SAMD5: variants seen among roughly 807,000 people sequenced by gnomAD.
SAMD5 encodes the protein sterile alpha motif domain containing 5, also known as sterile alpha motif domain-containing protein 5.
A neutral mutation model predicts 11.3 loss-of-function variants in SAMD5; 13 were observed. The ratio of observed to expected loss-of-function variants is 1.15; its 90% CI spans 0.75 to 1.83. The LOEUF (loss-of-function observed/expected upper bound fraction) is 1.83, where lower values mean the gene tolerates loss of function less well. Ranked by LOEUF, SAMD5 falls within the 40% of genes most tolerant of loss-of-function variation. The pLI is 0.00. For synonymous variants in SAMD5, 129 were observed against 111.3 expected (o/e 1.16, Z -1.00); for missense variants, 255 against 239.1 (o/e 1.07, Z -0.44).
the SAMD5 span, among the ~76,000 whole-genome samples, chr6:147,813,599 A>G: frequency 6.6e-6 from 1 of 152,228 alleles, no homozygotes; most frequent in Non-Finnish European, 1.5e-5. Context: ...TACAGCTGGA[A>G]TATAATACAG....
chr6:147,876,929 C>A, the SAMD5 span, among the ~76,000 whole-genome samples: 1 of 145,304 alleles, frequency 6.9e-6, no homozygotes, highest in African/African-American at 2.8e-5. Flanking sequence ...AGGCATCAAT[C>A]ATTGTTTAAA....
chr6:147,750,466 G>A, the SAMD5 span, among the ~76,000 whole-genome samples: 1 of 150,672 alleles, frequency 6.6e-6, no homozygotes, highest in South Asian at 2.1e-4. Context: ...TTTTGTTCCA[G>A]TGCCACATGT....
At chr6:147,661,670 C>T (rs12664498) in intron 1 of SAMD5, among the ~76,000 whole-genome samples, 13,499 of 152,186 alleles carry the variant, frequency 0.089, 881 homozygotes, top group East Asian at 0.25. Flanking sequence ...CTCACTGTTG[C>T]CTGGGCTGGA....
In SAMD5 at chr6:147,616,564, G is replaced by T. The variant is rs370659497; in HGVS notation, c.162+107177G>T. On this transcript the variant is annotated intron_variant, in intron 1 of 1. Transcript: ENST00000566741. Reference sequence around the variant, plus strand: ...ATTAATTAGTAAACAGAGAGGGAGTGATGTTTGGTTCAGATAACATTTGTT... The same window carrying T: ...ATTAATTAGTAAACAGAGAGGGAGTTATGTTTGGTTCAGATAACATTTGTT... 7.1e-4 allele frequency among the ~76,000 whole-genome samples: 108 copies of T among 152,222 alleles called. 1 individual carries two copies. In the East Asian group the frequency reaches 0.014, roughly 20 times the overall value.
chr6:147,868,671 G>A, the SAMD5 span, among the ~76,000 whole-genome samples: 2 of 152,194 alleles, frequency 1.3e-5, no homozygotes, highest in African/African-American at 4.8e-5. Flanking sequence ...AGGCTCTCAA[G>A]TCTGTGACAG....
At chr6:147,884,176 A>G in the SAMD5 span, among the ~76,000 whole-genome samples, 11 of 152,322 alleles carry the variant, frequency 7.2e-5, no homozygotes, top group Admixed American at 1.3e-4. Flanking sequence ...CTGGAAGAGT[A>G]CAGACGTCTT....
chr6:147,635,384 G>T (rs1404687752), intron 1 of SAMD5, among the ~76,000 whole-genome samples: 1 of 152,116 alleles, frequency 6.6e-6, no homozygotes, highest in Non-Finnish European at 1.5e-5. Flanking sequence ...TATGAGGCAG[G>T]ACCTATTAAT....
At chr6:147,564,079 T>C (rs1269606661) in intron 1 of SAMD5, among the ~76,000 whole-genome samples, 1 of 150,840 alleles carries the variant, frequency 6.6e-6, no homozygotes, top group African/African-American at 2.4e-5. Flanking sequence ...ATGCAAACTA[T>C]TACAAGGTAT....
the SAMD5 span, among the ~76,000 whole-genome samples, chr6:147,914,279 A>G: frequency 6.6e-6 from 1 of 151,354 alleles, no homozygotes; most frequent in Non-Finnish European, 1.5e-5. Flanking sequence ...GCGCACCCCT[A>G]GTGCTAGAGA....
At chr6:147,632,078 C>A (rs1010456742) in intron 1 of SAMD5, among the ~76,000 whole-genome samples, 7 of 151,750 alleles carry the variant, frequency 4.6e-5, no homozygotes, top group African/African-American at 1.7e-4. Flanking sequence ...TGGGAGTGAC[C>A]GATGAGAAGG....
intron 1 of SAMD5, among the ~76,000 whole-genome samples, chr6:147,632,949 CT>C (rs1474475063): frequency 6.6e-6 from 1 of 151,738 alleles, no homozygotes; most frequent in Non-Finnish European, 1.5e-5. Flanking sequence ...TCTTAACCTC[CT>C]TCCTTTCTTC....
the SAMD5 span, among the ~76,000 whole-genome samples, chr6:147,940,583 G>A: frequency 6.6e-6 from 1 of 152,194 alleles, no homozygotes; most frequent in South Asian, 2.1e-4. Flanking sequence ...TATTTCTGCA[G>A]TGTCAGCAAG....
At chr6:147,907,995 T>C in the SAMD5 span, among the ~76,000 whole-genome samples, 10 of 152,194 alleles carry the variant, frequency 6.6e-5, no homozygotes, top group East Asian at 1.7e-3. Context: ...TAGCTGTAAA[T>C]TGCTGGTTTT....
intron 1 of SAMD5, among the ~76,000 whole-genome samples, chr6:147,681,190 A>G (rs528464728): frequency 1.3e-4 from 20 of 152,272 alleles, no homozygotes; most frequent in African/African-American, 4.6e-4. Flanking sequence ...TCTGTTTAAC[A>G]TTATCACACA....
At chr6:147,697,197 T>C (rs1411523140) in intron 1 of SAMD5, among the ~76,000 whole-genome samples, 1 of 152,164 alleles carries the variant, frequency 6.6e-6, no homozygotes, top group Non-Finnish European at 1.5e-5. Flanking sequence ...ACAACCAGTA[T>C]TGCCAAGGAA....
At chr6:147,669,352 C>G (rs1237395890) in intron 1 of SAMD5, among the ~76,000 whole-genome samples, 1 of 151,564 alleles carries the variant, frequency 6.6e-6, no homozygotes, top group Non-Finnish European at 1.5e-5. Context: ...TCATAAGAAG[C>G]AACTCCTTAT....
At chr6:147,729,026 G>T (rs1254380211) in intron 1 of SAMD5, among the ~76,000 whole-genome samples, 2 of 152,202 alleles carry the variant, frequency 1.3e-5, no homozygotes, top group Non-Finnish European at 2.9e-5. Context: ...CGCAGTTCTG[G>T]AGGTGGGAAG....
At chr6:147,571,349 C>G (rs1447306133), downstream of SAMD5, among the ~76,000 whole-genome samples, 1 of 152,128 alleles carries the variant, frequency 6.6e-6, no homozygotes, top group Non-Finnish European at 1.5e-5. Flanking sequence ...TTGAAAACAT[C>G]TTTCATCTGA....
chr6:147,839,899 G>A, the SAMD5 span, among the ~76,000 whole-genome samples: 56 of 152,344 alleles, frequency 3.7e-4, no homozygotes, highest in Non-Finnish European at 8.8e-5. Flanking sequence ...ATGTGAGGGA[G>A]GTGTTAGTAA....
Sources: gnomAD v4.1 joint callset for allele counts (sites outside exome capture counted in the v4.1 genomes callset) on GRCh38, gnomAD v4.1.1 for gene constraint, MANE v1.5 for transcripts, NCBI Gene and HGNC (gene_info 2026-07-23, HGNC 2026-07-21) for gene names.